Variants in KLF8 observed in about 807,000 individuals in gnomAD.
The protein encoded by KLF8 is Krueppel-like factor 8.
KLF8 carries 10 observed loss-of-function variants against 18.2 expected under a neutral mutation model. The observed-to-expected ratio is 0.55, with a 90% CI of 0.34 to 0.93. The LOEUF is 0.93. Among genes scored for constraint, KLF8 ranks in the 40% least tolerant of loss-of-function variants. The pLI is 0.02. For synonymous variants in KLF8, 109 were observed against 97.3 expected (o/e 1.12, Z -0.71); for missense variants, 264 against 277.9 (o/e 0.95, Z 0.36).
chrX:55,924,291 A>T, the KLF8 span, among the ~76,000 whole-genome samples: 1 of 110,487 alleles, frequency 9.1e-6, no homozygotes, highest in Non-Finnish European at 1.9e-5. Context: ...GTTAGGCAGG[A>T]TGGTCTCGAT....
chrX:56,054,280 G>T, the KLF8 span, among the ~76,000 whole-genome samples: 3 of 111,348 alleles, frequency 2.7e-5, no homozygotes, highest in Non-Finnish European at 5.7e-5. Context: ...ATTCTGGGAT[G>T]TTGTATCTTT....
At chrX:55,940,889 G>T in the KLF8 span, among the ~76,000 whole-genome samples, 2 of 111,615 alleles carry the variant, frequency 1.8e-5, no homozygotes, top group Non-Finnish European at 3.8e-5. Flanking sequence ...ACAAACAAAC[G>T]GAAGAACATT....
chrX:56,144,103 T>C, the KLF8 span, among the ~76,000 whole-genome samples: 1 of 112,211 alleles, frequency 8.9e-6, no homozygotes, highest in African/African-American at 3.2e-5. Context: ...CACCAAATAG[T>C]CTGGGGCAAC....
chrX:56,060,256 T>C, the KLF8 span, among the ~76,000 whole-genome samples: 1 of 112,103 alleles, frequency 8.9e-6, no homozygotes, highest in African/African-American at 3.2e-5. Context: ...CATCCTTGTC[T>C]TGTACCAGTT....
chrX:56,209,905 G>A, the KLF8 span, among the ~76,000 whole-genome samples: 1 of 111,753 alleles, frequency 8.9e-6, no homozygotes, highest in Non-Finnish European at 1.9e-5. Flanking sequence ...AAACAAACAA[G>A]CATAAATAAA....
the KLF8 span, among the ~76,000 whole-genome samples, chrX:55,956,880 T>C: frequency 8.9e-6 from 1 of 111,963 alleles, no homozygotes; most frequent in Non-Finnish European, 1.9e-5. Flanking sequence ...TGTCCTTTGA[T>C]ACATAAGTTT....
chrX:55,917,982 T>C, the KLF8 span, among the ~76,000 whole-genome samples: 12 of 112,201 alleles, frequency 1.1e-4, no homozygotes, highest in East Asian at 3.1e-3. Flanking sequence ...TCATGCTGCT[T>C]TTAAACACAT....
At chrX:56,082,231 C>A in the KLF8 span, among the ~76,000 whole-genome samples, 1 of 111,762 alleles carries the variant, frequency 8.9e-6, no homozygotes, top group East Asian at 2.8e-4. Flanking sequence ...TTAACCACTT[C>A]GTTGGTGTAC....
chrX:56,081,964 A>G, the KLF8 span, among the ~76,000 whole-genome samples: 58,107 of 110,486 alleles, frequency 0.53, 13,734 homozygotes, highest in East Asian at 0.74. Flanking sequence ...GTCTGGCCTC[A>G]TAGGATAAAT....
the KLF8 span, among the ~76,000 whole-genome samples, chrX:56,180,400 CT>C: frequency 9.0e-6 from 1 of 111,075 alleles, no homozygotes; most frequent in African/African-American, 3.3e-5. Flanking sequence ...TTTTATTGAT[CT>C]TTTCCAAAAA....
At chrX:56,018,667 C>T in the KLF8 span, among the ~76,000 whole-genome samples, 1 of 110,379 alleles carries the variant, frequency 9.1e-6, no homozygotes, top group African/African-American at 3.3e-5. Context: ...ATAATATATG[C>T]TAATTTGCTA....
At chrX:56,189,882 A>AG in the KLF8 span, among the ~76,000 whole-genome samples, 1 of 36,909 alleles carries the variant, frequency 2.7e-5, no homozygotes, top group Non-Finnish European at 4.5e-5. Context: ...GGGTGGGGGG[A>AG]GGGGGGAGGG....
At chrX:56,080,659 G>A in the KLF8 span, among the ~76,000 whole-genome samples, 12 of 110,762 alleles carry the variant, frequency 1.1e-4, no homozygotes, top group Non-Finnish European at 1.7e-4. Flanking sequence ...GTATCTTTGT[G>A]GCATTCTCTG....
chrX:56,160,332 G>A, the KLF8 span, among the ~76,000 whole-genome samples: 2 of 111,765 alleles, frequency 1.8e-5, no homozygotes, highest in East Asian at 2.8e-4. Flanking sequence ...TTTGGAATAC[G>A]TGTGGTGTGG....
the KLF8 span, among the ~76,000 whole-genome samples, chrX:56,205,553 T>C: frequency 1.8e-5 from 2 of 112,227 alleles, no homozygotes; most frequent in East Asian, 5.6e-4. Flanking sequence ...ATTGTTGAAT[T>C]TGGTTTGCTC....
At chrX:56,023,944 A>AT in the KLF8 span, among the ~76,000 whole-genome samples, 1 of 111,482 alleles carries the variant, frequency 9.0e-6, no homozygotes, top group African/African-American at 3.3e-5. Context: ...CTCCAGTGAT[A>AT]TTTTTCCACA....
the KLF8 span, among the ~76,000 whole-genome samples, chrX:55,989,709 T>C: frequency 7.1e-5 from 8 of 112,194 alleles, no homozygotes; most frequent in Non-Finnish European, 1.3e-4. Context: ...AGGATAATTC[T>C]GGCCTCATCA....
chrX:56,013,340 C>G, the KLF8 span, among the ~76,000 whole-genome samples: 5 of 112,212 alleles, frequency 4.5e-5, no homozygotes, highest in Non-Finnish European at 9.4e-5. Flanking sequence ...AACTAACTTG[C>G]TTTCAGTTTT....
chrX:56,034,748 CTTTTTTTT>C, the KLF8 span, among the ~76,000 whole-genome samples: 5,828 of 53,756 alleles, frequency 0.11, 393 homozygotes, highest in African/African-American at 0.31. Context: ...GAACTTATTT[CTTTTTTTT>C]TTTTTTTTTT....
Sources: allele counts gnomAD v4.1 joint callset (sites outside exome capture counted in the v4.1 genomes callset), GRCh38; gene constraint gnomAD v4.1.1; transcripts MANE v1.5; gene names NCBI Gene and HGNC (gene_info 2026-07-23, HGNC 2026-07-21).